Variants in OR1J2 observed in about 807,000 individuals in gnomAD.
OR1J2 encodes olfactory receptor family 1 subfamily J member 2.
For synonymous variants in OR1J2, 142 were observed against 99.7 expected (o/e 1.42, Z -2.52); for missense variants, 304 against 246.1 (o/e 1.24, Z -1.57).
At chr9:122,461,501 G>A in the OR1J2 span, among the ~76,000 whole-genome samples, 3 of 151,966 alleles carry the variant, frequency 2.0e-5, no homozygotes, top group Admixed American at 6.6e-5. Flanking sequence ...TACATGAGGT[G>A]TGACCTTAGA....
At chr9:122,487,986 C>T in the OR1J2 span, among the ~76,000 whole-genome samples, 1 of 152,108 alleles carries the variant, frequency 6.6e-6, no homozygotes, top group East Asian at 1.9e-4. Context: ...GACAATGTCT[C>T]AAAAGTAAAT....
At chr9:122,465,537 C>T in the OR1J2 span, among the ~76,000 whole-genome samples, 3 of 152,192 alleles carry the variant, frequency 2.0e-5, no homozygotes, top group African/African-American at 7.2e-5. Context: ...CCTCAATGGT[C>T]ATACTGGGGG....
chr9:122,526,558 C>A, the OR1J2 span: 1 of 1,612,708 alleles, frequency 6.2e-7, no homozygotes. Context: ...AACACACAAA[C>A]AACGCAGAGG....
At chr9:122,519,489 T>G in the OR1J2 span, 1 of 1,614,134 alleles carries the variant, frequency 6.2e-7, no homozygotes, top group Non-Finnish European at 8.5e-7. Context: ...CCTTCTCACT[T>G]CAATGGCATA....
the OR1J2 span, among the ~76,000 whole-genome samples, chr9:122,571,223 A>G: frequency 2.0e-5 from 3 of 152,108 alleles, no homozygotes; most frequent in Non-Finnish European, 2.9e-5. Flanking sequence ...AAGCTTGAAC[A>G]CTAATGAGGG....
chr9:122,553,516 C>T, the OR1J2 span: 1 of 1,614,110 alleles, frequency 6.2e-7, no homozygotes, highest in Non-Finnish European at 8.5e-7. Context: ...GGGTGTCTTG[C>T]ACAGCTATAT....
At chr9:122,492,546 CTGTTT>C in the OR1J2 span, among the ~76,000 whole-genome samples, 1 of 152,102 alleles carries the variant, frequency 6.6e-6, no homozygotes, top group Admixed American at 6.6e-5. Context: ...AATGGTAGTT[CTGTTT>C]TGAGTTCCTT....
chr9:122,566,271 A>G, the OR1J2 span, among the ~76,000 whole-genome samples: 2 of 152,210 alleles, frequency 1.3e-5, no homozygotes, highest in African/African-American at 4.8e-5. Flanking sequence ...ACCATTGCAT[A>G]GGTCATCTTG....
the OR1J2 span, among the ~76,000 whole-genome samples, chr9:122,544,415 C>CTTTTTTTTTTTT: frequency 4.7e-5 from 4 of 85,342 alleles, no homozygotes; most frequent in East Asian, 3.9e-4. Context: ...CCTCTTTTTT[C>CTTTTTTTTTTTT]TTTTTTTTTT....
chr9:122,508,345 A>G (rs890083392), upstream of OR1J2, among the ~76,000 whole-genome samples: 1 of 152,152 alleles, frequency 6.6e-6, no homozygotes, highest in Non-Finnish European at 1.5e-5. Flanking sequence ...AGGTCTATAT[A>G]TAGCTAGATT....
the OR1J2 span, among the ~76,000 whole-genome samples, chr9:122,533,542 G>A: frequency 6.6e-6 from 1 of 152,080 alleles, no homozygotes; most frequent in African/African-American, 2.4e-5. Flanking sequence ...GGAGAAGGCG[G>A]CAATGAGGTG....
chr9:122,471,786 A>G, the OR1J2 span, among the ~76,000 whole-genome samples: 3 of 152,178 alleles, frequency 2.0e-5, no homozygotes, highest in East Asian at 3.8e-4. Context: ...ATTCTGAAAC[A>G]ATTACTAAAG....
chr9:122,573,271 C>T, the OR1J2 span, among the ~76,000 whole-genome samples: 1 of 152,210 alleles, frequency 6.6e-6, no homozygotes, highest in African/African-American at 2.4e-5. Context: ...GAGACAGGGA[C>T]CCCTGAGGCT....
chr9:122,500,827 C>A, the OR1J2 span, among the ~76,000 whole-genome samples: 4 of 151,922 alleles, frequency 2.6e-5, no homozygotes, highest in Non-Finnish European at 4.4e-5. Flanking sequence ...TACAGTTTTG[C>A]TCAATACTGA....
upstream of OR1J2, among the ~76,000 whole-genome samples, chr9:122,508,130 G>A (rs1017364019): frequency 6.9e-6 from 1 of 144,840 alleles, no homozygotes; most frequent in Non-Finnish European, 1.5e-5. Flanking sequence ...GAGGGGGGGA[G>A]AGAGAGAGAG....
chr9:122,553,016 C>T, the OR1J2 span: 1 of 655,568 alleles, frequency 1.5e-6, no homozygotes, highest in Non-Finnish European at 2.7e-6. Flanking sequence ...TAACTGTTCT[C>T]TAAATGTCTC....
At chr9:122,520,070 C>T in the OR1J2 span, 1 of 1,609,712 alleles carries the variant, frequency 6.2e-7, no homozygotes, top group South Asian at 1.1e-5. Flanking sequence ...GGGCAACAGT[C>T]TTATCTCAAT....
the OR1J2 span, among the ~76,000 whole-genome samples, chr9:122,470,345 T>G: frequency 6.6e-6 from 1 of 152,218 alleles, no homozygotes; most frequent in African/African-American, 2.4e-5. Context: ...GCTTCAAGCC[T>G]TGGCAGCTTC....
upstream of OR1J2, among the ~76,000 whole-genome samples, chr9:122,506,562 A>G (rs1828525518): frequency 6.6e-6 from 1 of 152,182 alleles, no homozygotes; most frequent in African/African-American, 2.4e-5. Context: ...AACCTTAGGA[A>G]CACTTATCCA....
Sources: gnomAD v4.1 joint callset for allele counts (sites outside exome capture counted in the v4.1 genomes callset) on GRCh38, gnomAD v4.1.1 for gene constraint, MANE v1.5 for transcripts, NCBI Gene and HGNC (gene_info 2026-07-23, HGNC 2026-07-21) for gene names.